Variants in SETD3 observed in about 807,000 individuals in gnomAD.
SETD3 encodes the protein actin-histidine N-methyltransferase.
A neutral mutation model predicts 63.0 loss-of-function variants in SETD3; 19 were observed. That is an observed-to-expected ratio of 0.30 (90% CI 0.21 to 0.44). The LOEUF (loss-of-function observed/expected upper bound fraction) is 0.44, where lower values mean the gene tolerates loss of function less well. SETD3 is among the 20% of genes least tolerant of loss of function. The pLI is 1.00. For synonymous variants in SETD3, 286 were observed against 264.1 expected (o/e 1.08, Z -0.80); for missense variants, 587 against 728.5 (o/e 0.81, Z 2.24).
intron 6 of SETD3, among the ~76,000 whole-genome samples, chr14:99,450,266 G>T (rs1464470974): frequency 6.6e-6 from 1 of 152,172 alleles, no homozygotes; most frequent in African/African-American, 2.4e-5. Context: ...ATTCCTGAAG[G>T]CCTCATGTAT....
intron 6 of SETD3, among the ~76,000 whole-genome samples, chr14:99,457,077 T>A (rs1894802466): frequency 6.6e-6 from 1 of 152,192 alleles, no homozygotes; most frequent in South Asian, 2.1e-4. Context: ...GAACTAAGAA[T>A]AAAAGTATAA....
intron 6 of SETD3, among the ~76,000 whole-genome samples, chr14:99,414,909 T>G (rs962906645): frequency 2.6e-5 from 4 of 152,214 alleles, no homozygotes; most frequent in Non-Finnish European, 4.4e-5. Context: ...CAGTTTTCAC[T>G]CGTGACGCAT....
chr14:99,408,768 G>A (rs964240447), intron 8 of SETD3, among the ~76,000 whole-genome samples: 2 of 152,194 alleles, frequency 1.3e-5, no homozygotes, highest in African/African-American at 4.8e-5. Flanking sequence ...ACTTCTTTGT[G>A]TGGCACTGCC....
At chr14:99,408,174 C>A (rs1358061895) in intron 8 of SETD3, among the ~76,000 whole-genome samples, 2 of 152,162 alleles carry the variant, frequency 1.3e-5, no homozygotes, top group South Asian at 2.1e-4. Flanking sequence ...GGCCATGTAA[C>A]ACTAATCTTT....
At chr14:99,441,684 G>A (rs1325736313) in intron 6 of SETD3, among the ~76,000 whole-genome samples, 1 of 152,204 alleles carries the variant, frequency 6.6e-6, no homozygotes, top group Non-Finnish European at 1.5e-5. Flanking sequence ...CAAGTCCTGG[G>A]CCCTGATCAC....
At chr14:99,410,066 G>C in intron 8 of SETD3, 1 of 715,952 alleles carries the variant, frequency 1.4e-6, no homozygotes, top group East Asian at 2.5e-5. Flanking sequence ...GACAGGGCAG[G>C]AGGGCGGATG....
chr14:99,476,857 A>T (rs957492585), intron 1 of SETD3, among the ~76,000 whole-genome samples: 16 of 152,238 alleles, frequency 1.1e-4, no homozygotes, highest in African/African-American at 3.9e-4. Flanking sequence ...TATTTTATTA[A>T]GAGTTCTATG....
At chr14:99,450,156 T>C (rs1385731540) in intron 6 of SETD3, among the ~76,000 whole-genome samples, 1 of 152,234 alleles carries the variant, frequency 6.6e-6, no homozygotes, top group Non-Finnish European at 1.5e-5. Context: ...CGTAGCTATA[T>C]ACAGCGTATG....
rs1034180456 is a variant in SETD3, at chr14:99,398,634, G to A, written c.*45C>T. ...ACACAGCGATGTGAACGGACTGTCCGTCAACTCCTGCTCCACTGGATCCCC... is the reference window on the plus strand; with the variant it reads ...ACACAGCGATGTGAACGGACTGTCCATCAACTCCTGCTCCACTGGATCCCC... On this transcript the variant is annotated 3_prime_UTR_variant, in exon 13 of 13. Transcript: ENST00000331768. The A allele has an allele frequency of 3.9e-6, 6 of 1,552,866 alleles. No homozygotes were observed. The highest frequency in any genetic ancestry group is 4.4e-6 in the Non-Finnish European group (5 of 1,131,992).
chr14:99,409,603 G>C (rs1891866852), intron 8 of SETD3, among the ~76,000 whole-genome samples: 1 of 152,044 alleles, frequency 6.6e-6, no homozygotes, highest in African/African-American at 2.4e-5. Flanking sequence ...ATAGGAGGAA[G>C]AGCACGATAT....
At position 99,403,455 on chromosome 14, in the gene SETD3, A is replaced by ACACTCTCT. The variant is rs1416541957; in HGVS notation, c.1177+769_1177+770insAGAGAGTG. ...TACACACACACACACACACACACAC[A>ACACTCTCT]CTCTCTCTCTCTCTCTCTCTCTCTC... On this transcript the variant is annotated intron_variant, in intron 11 of 12. Transcript: ENST00000331768. Among the ~76,000 whole-genome samples, 24 of 135,538 alleles carry ACACTCTCT rather than the reference A, an allele frequency of 1.8e-4. 1 individual carries two copies. The highest frequency in any genetic ancestry group is 7.0e-4 in the South Asian group (3 of 4,282). The allele number at this position is 135,538 out of a possible 152,430, so 88.9% of individuals were successfully genotyped here.
At chr14:99,417,092 T>C (rs2139653139) in intron 6 of SETD3, among the ~76,000 whole-genome samples, 2 of 152,344 alleles carry the variant, frequency 1.3e-5, no homozygotes, top group Middle Eastern at 6.8e-3. Context: ...CTGGTAGCTA[T>C]GCTTAAGGAA....
At chr14:99,448,444 T>A (rs1894261739) in intron 6 of SETD3, among the ~76,000 whole-genome samples, 2 of 152,036 alleles carry the variant, frequency 1.3e-5, no homozygotes, top group Admixed American at 1.3e-4. Flanking sequence ...ACAGAACAGT[T>A]CCAGGGGCAC....
intron 3 of SETD3, 93 bp downstream of exon 3, chr14:99,463,393 G>T: frequency 2.2e-6 from 2 of 902,818 alleles, no homozygotes; most frequent in South Asian, 1.5e-5. Flanking sequence ...TGACACCAAT[G>T]ATGCTGAGAC....
chr14:99,443,255 A>ATTTT (rs996583091), intron 6 of SETD3, among the ~76,000 whole-genome samples: 47 of 108,754 alleles, frequency 4.3e-4, no homozygotes, highest in African/African-American at 1.3e-3. Flanking sequence ...CTGAACTCCC[A>ATTTT]TTTTTTTTTT....
At chr14:99,402,702 G>A (rs1156349321) in intron 11 of SETD3, among the ~76,000 whole-genome samples, 8 of 152,142 alleles carry the variant, frequency 5.3e-5, no homozygotes, top group African/African-American at 9.7e-5. Flanking sequence ...TCAGCCTCCC[G>A]AGTAGCTGGG....
intron 8 of SETD3, among the ~76,000 whole-genome samples, chr14:99,409,595 A>C (rs942509142): frequency 2.0e-5 from 3 of 152,136 alleles, no homozygotes; most frequent in African/African-American, 7.2e-5. Context: ...AAAGTAACAT[A>C]GGAGGAAGAG....
chr14:99,482,107 C>T (rs1208094566), upstream of SETD3, among the ~76,000 whole-genome samples: 1 of 152,212 alleles, frequency 6.6e-6, no homozygotes, highest in Non-Finnish European at 1.5e-5. Context: ...TGTGACAGCT[C>T]CTAAACGATT....
At chr14:99,464,854 G>A (rs745833462) in intron 2 of SETD3, among the ~76,000 whole-genome samples, 4 of 152,190 alleles carry the variant, frequency 2.6e-5, no homozygotes, top group Non-Finnish European at 4.4e-5. Flanking sequence ...GTAAAAATCA[G>A]ATACACAGCC....
Sources: gnomAD v4.1 joint callset for allele counts (sites outside exome capture counted in the v4.1 genomes callset) on GRCh38, gnomAD v4.1.1 for gene constraint, MANE v1.5 for transcripts, NCBI Gene and HGNC (gene_info 2026-07-23, HGNC 2026-07-21) for gene names.